Variants in RUNX1 observed in about 807,000 individuals in gnomAD.
RUNX1 encodes the protein RUNX family transcription factor 1.
In RUNX1, 19 loss-of-function variants were observed where a neutral mutation model predicts 42.8. That is an observed-to-expected ratio of 0.44 (90% CI 0.31 to 0.65). The LOEUF is 0.65. RUNX1 is among the 30% of genes least tolerant of loss of function. The pLI is 0.07. For synonymous variants in RUNX1, 271 were observed against 289.4 expected, an observed-to-expected ratio of 0.94 and a Z score of 0.64; for missense variants, 528 against 672.0, an observed-to-expected ratio of 0.79 and a Z score of 2.37.
intron 6 of RUNX1, among the ~76,000 whole-genome samples, chr21:34,847,419 T>C (rs2186290): frequency 8.6e-5 from 13 of 151,992 alleles, no homozygotes; most frequent in Non-Finnish European, 1.6e-4. Flanking sequence ...CTACTTTCAA[T>C]AAATCAATTA....
intron 2 of RUNX1, among the ~76,000 whole-genome samples, chr21:35,011,140 T>C (rs2059123745): frequency 6.6e-6 from 1 of 151,722 alleles, no homozygotes; most frequent in African/African-American, 2.4e-5. Flanking sequence ...TGAATAACAA[T>C]GAAAGTGAGA....
intron 2 of RUNX1, among the ~76,000 whole-genome samples, chr21:34,970,652 T>C (rs534810645): frequency 6.6e-6 from 1 of 152,356 alleles, no homozygotes; most frequent in East Asian, 1.9e-4. Flanking sequence ...GCACTCTTAA[T>C]GTGTGCATAT....
intron 2 of RUNX1, among the ~76,000 whole-genome samples, chr21:34,967,515 A>T (rs567040541): frequency 6.6e-5 from 10 of 151,830 alleles, no homozygotes; most frequent in African/African-American, 2.4e-4. Context: ...GTCTCAAATC[A>T]GCCCTTTTGC....
chr21:35,032,000 C>G (rs994266536), intron 2 of RUNX1, among the ~76,000 whole-genome samples: 1 of 152,202 alleles, frequency 6.6e-6, no homozygotes, highest in African/African-American at 2.4e-5. Context: ...GCTATGGGCA[C>G]AGATGGGTGC....
chr21:35,005,339 A>G (rs1285433815), intron 2 of RUNX1, among the ~76,000 whole-genome samples: 1 of 152,132 alleles, frequency 6.6e-6, no homozygotes, highest in Non-Finnish European at 1.5e-5. Context: ...TTGTATATGC[A>G]AGGAAATAGC....
chr21:35,045,867 G>A (rs905285689), intron 2 of RUNX1, among the ~76,000 whole-genome samples: 5 of 152,144 alleles, frequency 3.3e-5, no homozygotes, highest in Non-Finnish European at 5.9e-5. Flanking sequence ...CCGCTGAGAA[G>A]ACAAGCAGGG....
intron 5 of RUNX1, among the ~76,000 whole-genome samples, chr21:34,874,633 A>AAAAAAAAAAAAAAAAAC (rs2057788322): frequency 1.4e-5 from 2 of 147,956 alleles, no homozygotes; most frequent in Non-Finnish European, 3.0e-5. Flanking sequence ...AAAAAAAAAA[A>AAAAAAAAAAAAAAAAAC]AAGACAGTAC....
chr21:34,953,273 T>C (rs1026744556), intron 2 of RUNX1, among the ~76,000 whole-genome samples: 5 of 152,170 alleles, frequency 3.3e-5, no homozygotes, highest in Admixed American at 6.5e-5. Flanking sequence ...TTTCAAAAAG[T>C]GGCCATAAAC....
intron 2 of RUNX1, among the ~76,000 whole-genome samples, chr21:34,913,940 C>T (rs777469404): frequency 2.0e-5 from 3 of 152,128 alleles, no homozygotes; most frequent in Non-Finnish European, 4.4e-5. Context: ...TCCAGGCTGT[C>T]AATGGGGTAA....
chr21:34,874,469 C>T (rs2057784601), intron 5 of RUNX1, among the ~76,000 whole-genome samples: 1 of 151,284 alleles, frequency 6.6e-6, no homozygotes, highest in African/African-American at 2.4e-5. Context: ...ATTAGCCAGG[C>T]GTGGTGGTGG....
intron 6 of RUNX1, among the ~76,000 whole-genome samples, chr21:34,844,765 C>A (rs1045925508): frequency 6.6e-6 from 1 of 152,234 alleles, no homozygotes; most frequent in Admixed American, 6.5e-5. Context: ...ACTTTCCCAA[C>A]AGCAGGGGAA....
At chr21:34,944,393 A>C (rs1331971944) in intron 2 of RUNX1, among the ~76,000 whole-genome samples, 1 of 152,250 alleles carries the variant, frequency 6.6e-6, no homozygotes, top group Non-Finnish European at 1.5e-5. Context: ...ATCTGGGTAA[A>C]GTTGTATAGA....
At chr21:34,987,838 G>C (rs2058903762) in intron 2 of RUNX1, among the ~76,000 whole-genome samples, 1 of 152,212 alleles carries the variant, frequency 6.6e-6, no homozygotes, top group Non-Finnish European at 1.5e-5. Flanking sequence ...GAAAATGCTA[G>C]CTTCGTGTGC....
chr21:34,901,647 G>C lies in RUNX1; in HGVS notation c.59-8684C>G, dbSNP rs571485405. Among the ~76,000 whole-genome samples, 3 of 152,292 alleles carry C rather than the reference G, an allele frequency of 2.0e-5. No individual in the cohort carries two copies. The East Asian group carries it at 5.8e-4, about 29-fold the overall frequency. On this transcript the variant is annotated intron_variant, in intron 2 of 8. Coordinates refer to ENST00000675419, the MANE Select transcript of RUNX1 (RefSeq NM_001754.5). The surrounding 1 kb of genome is among the most constrained non-coding windows in gnomAD (Gnocchi z 4.3). ...CCCTTCTCCACATTCTCTTTGGTGT[G>C]GGCCCTTCTCCACATGCTCTTTGGT...
chr21:35,031,216 C>T (rs531737834), intron 2 of RUNX1, among the ~76,000 whole-genome samples: 4 of 152,272 alleles, frequency 2.6e-5, no homozygotes, highest in South Asian at 2.1e-4. Flanking sequence ...GGCATGGTGG[C>T]GCACACCTGT....
intron 5 of RUNX1, among the ~76,000 whole-genome samples, chr21:34,861,057 C>T (rs1423737691): frequency 6.6e-6 from 1 of 152,188 alleles, no homozygotes; most frequent in Non-Finnish European, 1.5e-5. Context: ...GGAGTGACTT[C>T]CATGGAGCAG....
intron 6 of RUNX1, among the ~76,000 whole-genome samples, chr21:34,841,667 G>GGGC (rs1252132312): frequency 2.0e-5 from 3 of 152,148 alleles, no homozygotes; most frequent in Non-Finnish European, 2.9e-5. Context: ...TCACTGCCCT[G>GGGC]GGGCCTTTGC....
chr21:34,936,258 A>C (rs770007672), intron 2 of RUNX1, among the ~76,000 whole-genome samples: 83 of 150,892 alleles, frequency 5.5e-4, no homozygotes, highest in Non-Finnish European at 9.6e-4. Flanking sequence ...AACTACTTAG[A>C]ATTCAGCCCC....
At chr21:34,924,125 G>C (rs1467947719) in intron 2 of RUNX1, among the ~76,000 whole-genome samples, 2 of 152,142 alleles carry the variant, frequency 1.3e-5, no homozygotes, top group African/African-American at 2.4e-5. Flanking sequence ...CTTCCCCTAT[G>C]ATGGCTAACT....
Sources: allele counts gnomAD v4.1 joint callset (sites outside exome capture counted in the v4.1 genomes callset), GRCh38; gene constraint gnomAD v4.1.1; non-coding constraint Gnocchi (gnomAD v3.1); transcripts MANE v1.5; gene names NCBI Gene and HGNC (gene_info 2026-07-23, HGNC 2026-07-21).